Variants in KIF6 observed in about 807,000 individuals in gnomAD.
KIF6 encodes the protein kinesin-like protein KIF6.
In KIF6, 106 loss-of-function variants were observed where a neutral mutation model predicts 112.7. The ratio of observed to expected loss-of-function variants is 0.94; its 90% CI spans 0.80 to 1.11. The LOEUF is 1.11. Among genes scored for constraint, KIF6 ranks in the 50% least tolerant of loss-of-function variants. KIF6 has a pLI of 0.00. For missense variants in KIF6, 929 were observed against 964.0 expected (o/e 0.96, Z 0.48); for synonymous variants, 339 against 339.9 (o/e 1.00, Z 0.03).
intron 13 of KIF6, among the ~76,000 whole-genome samples, chr6:39,449,970 T>A (rs1772580779): frequency 2.6e-5 from 4 of 152,236 alleles, no homozygotes; most frequent in Admixed American, 6.5e-5. Flanking sequence ...TATTCTGCTG[T>A]CTCTTTCTCA....
chr6:39,426,941 G>A (rs749153381), intron 14 of KIF6, among the ~76,000 whole-genome samples: 3 of 152,190 alleles, frequency 2.0e-5, no homozygotes, highest in African/African-American at 4.8e-5. Context: ...ACTCATTCAA[G>A]GCTTTTGCAT....
intron 7 of KIF6, among the ~76,000 whole-genome samples, chr6:39,590,427 G>GTATATA (rs773265909): frequency 1.7e-4 from 19 of 112,674 alleles, no homozygotes; most frequent in Non-Finnish European, 2.8e-4. Context: ...GTATGTGTGT[G>GTATATA]TGTATATATA....
intron 3 of KIF6, among the ~76,000 whole-genome samples, chr6:39,660,556 C>A (rs2499450): frequency 0.14 from 21,422 of 152,170 alleles, 1,938 homozygotes; most frequent in African/African-American, 0.26. Flanking sequence ...AGCTTTCCTT[C>A]AACAGCAGAA....
chr6:39,613,288 C>T lies in KIF6; in HGVS notation c.540G>A (p.Gln180=). The change falls in exon 6 of 23, where the codon CAG becomes CAA. Residue 180 remains glutamine, a synonymous_variant. Coordinates refer to ENST00000287152, the MANE Select transcript of KIF6 (RefSeq NM_145027.6). ...GAGTCAAGTTTTTCAGGTGAATGTT[C>T]TGATCAGGATCCTCCAGTATTGTCA... ...PKVTILEDPD[Q]NIHLKNLTLH... 1 of 1,606,138 alleles carries T rather than the reference C, an allele frequency of 6.2e-7. No homozygotes were observed. Among genetic ancestry groups the T allele is most frequent in the Non-Finnish European group, 8.5e-7 (1 of 1,176,266 alleles).
intron 5 of KIF6, among the ~76,000 whole-genome samples, chr6:39,620,748 C>T (rs1783769157): frequency 8.3e-6 from 1 of 121,200 alleles, no homozygotes; most frequent in South Asian, 3.0e-4. Flanking sequence ...CCCTTAACAA[C>T]ATTTTATTTA....
At chr6:39,436,378 C>T (rs147843062) in intron 13 of KIF6, among the ~76,000 whole-genome samples, 4 of 151,558 alleles carry the variant, frequency 2.6e-5, no homozygotes, top group African/African-American at 9.7e-5. Context: ...TTAGGTCCCA[C>T]TTATTTACTT....
Position 39,584,417 on chromosome 6 carries a change from TA to T in KIF6, c.1077+480del, listed in dbSNP as rs61215070. ...TCCAGCCTGAGCAAGACTCTGTCTC[TA>T]AAAAAAAAAAAAAAAAAAAAAAAAA... is the stretch of plus-strand genomic sequence containing the variant. On this transcript the variant is annotated intron_variant, in intron 9 of 22. Transcript: ENST00000287152. Among the ~76,000 whole-genome samples the T allele has an allele frequency of 1.0e-3, 48 of 46,036 alleles. 1 individual carries two copies. Among genetic ancestry groups the T allele is most frequent in the Non-Finnish European group, 1.6e-3 (25 of 16,098 alleles). The allele number at this position is 46,036 out of a possible 152,430, so 30.2% of individuals were successfully genotyped here.
At chr6:39,598,428 T>C (rs1353742107) in intron 6 of KIF6, among the ~76,000 whole-genome samples, 2 of 152,148 alleles carry the variant, frequency 1.3e-5, no homozygotes, top group African/African-American at 2.4e-5. Flanking sequence ...GGAAATTTTG[T>C]GTACTGCTTG....
chr6:39,346,171 T>C, intron 20 of KIF6, among the ~76,000 whole-genome samples: 1 of 116,196 alleles, frequency 8.6e-6, no homozygotes, highest in African/African-American at 3.3e-5. Context: ...CTTTCTCTCC[T>C]ATGTGAGCAC....
chr6:39,573,836 C>T (rs1354505025), intron 10 of KIF6, among the ~76,000 whole-genome samples: 2 of 152,194 alleles, frequency 1.3e-5, no homozygotes, highest in African/African-American at 4.8e-5. Context: ...TCTGTCACCA[C>T]CACTAAATTA....
At chr6:39,425,215 T>C (rs1334527732) in intron 14 of KIF6, among the ~76,000 whole-genome samples, 1 of 152,222 alleles carries the variant, frequency 6.6e-6, no homozygotes, top group Non-Finnish European at 1.5e-5. Context: ...GGCCAATATG[T>C]GTTTGAGGGC....
intron 13 of KIF6, among the ~76,000 whole-genome samples, chr6:39,537,748 C>T (rs1435557770): frequency 2.0e-5 from 3 of 152,084 alleles, no homozygotes; most frequent in East Asian, 3.9e-4. Flanking sequence ...AAAAAGAGCC[C>T]GCATCACCAA....
intron 10 of KIF6, among the ~76,000 whole-genome samples, chr6:39,563,708 C>T (rs182563077): frequency 7.9e-5 from 12 of 152,218 alleles, no homozygotes; most frequent in Admixed American, 7.9e-4. Context: ...TAATGCTTTT[C>T]AGGGCTGCCC....
chr6:39,501,944 A>T (rs1186023708), intron 13 of KIF6, among the ~76,000 whole-genome samples: 1 of 152,246 alleles, frequency 6.6e-6, no homozygotes, highest in Non-Finnish European at 1.5e-5. Flanking sequence ...TCCCCAACCT[A>T]GCAAGATGGG....
chr6:39,520,915 T>C (rs1777360468), intron 13 of KIF6, among the ~76,000 whole-genome samples: 1 of 152,234 alleles, frequency 6.6e-6, no homozygotes, highest in African/African-American at 2.4e-5. Context: ...TGGTAAATTC[T>C]GGTTTGGGTT....
chr6:39,346,073 T>C (rs1212264073), intron 20 of KIF6, among the ~76,000 whole-genome samples: 2 of 20,436 alleles, frequency 9.8e-5, no homozygotes, highest in African/African-American at 5.2e-4. Context: ...TCTCTCTCTC[T>C]CTCTCTCTCT....
chr6:39,525,146 A>AT (rs796183464), intron 13 of KIF6, among the ~76,000 whole-genome samples: 16 of 151,954 alleles, frequency 1.1e-4, no homozygotes, highest in African/African-American at 3.1e-4. Flanking sequence ...TCTCCCCAGA[A>AT]TTTTTTTTAT....
chr6:39,371,574 C>G (rs1765996691), intron 16 of KIF6, among the ~76,000 whole-genome samples: 2 of 152,160 alleles, frequency 1.3e-5, no homozygotes, highest in African/African-American at 4.8e-5. Context: ...GTAACTTTTC[C>G]CTGTCTTGTC....
intron 3 of KIF6, among the ~76,000 whole-genome samples, chr6:39,685,788 C>T (rs1787832011): frequency 6.6e-6 from 1 of 152,212 alleles, no homozygotes; most frequent in Non-Finnish European, 1.5e-5. Context: ...CAGTAGTTGC[C>T]AGCAGACAGA....
Sources: allele counts gnomAD v4.1 joint callset (sites outside exome capture counted in the v4.1 genomes callset), GRCh38; gene constraint gnomAD v4.1.1; transcripts MANE v1.5; gene names NCBI Gene and HGNC (gene_info 2026-07-23, HGNC 2026-07-21).